Variants in SLC4A4 observed in about 807,000 individuals in gnomAD.
SLC4A4 encodes electrogenic sodium bicarbonate cotransporter 1.
Under a neutral mutation model 111.5 loss-of-function variants are expected in SLC4A4, and 27 were observed. That is an observed-to-expected ratio of 0.24 (90% confidence interval 0.18 to 0.33). The LOEUF (loss-of-function observed/expected upper bound fraction) is 0.33, where lower values mean the gene tolerates loss of function less well. Ranked by LOEUF, SLC4A4 falls within the 10% of genes least tolerant of loss-of-function variation. The pLI is 1.00. For synonymous variants in SLC4A4, 443 were observed against 463.4 expected (o/e 0.96, Z 0.57); for missense variants, 909 against 1,315.5 (o/e 0.69, Z 4.78).
rs1327615918 is a variant in SLC4A4, at chr4:71,466,587, T to C, written c.1631+10T>C. The C allele has an allele frequency of 6.2e-7, 1 of 1,612,328 alleles. No homozygotes were observed. Among genetic ancestry groups the C allele is most frequent in the African/African-American group, 1.3e-5 (1 of 74,882 alleles). On this transcript the variant is annotated intron_variant, in intron 13 of 25. Coordinates refer to ENST00000264485, the MANE Select transcript of SLC4A4 (RefSeq NM_001098484.3). ...TATTTAATTTCAGCAAGTATGTACA[T>C]ACATATTTAATTGCAAATTAGAATT...
At chr4:71,442,199 G>A (rs570313481) in intron 8 of SLC4A4, among the ~76,000 whole-genome samples, 2 of 152,146 alleles carry the variant, frequency 1.3e-5, no homozygotes, top group African/African-American at 2.4e-5. Context: ...AACAAAATAC[G>A]CATTCATTGA....
At chr4:71,327,567 A>C (rs1727602140) in intron 3 of SLC4A4, among the ~76,000 whole-genome samples, 1 of 152,074 alleles carries the variant, frequency 6.6e-6, no homozygotes, top group Non-Finnish European at 1.5e-5. Flanking sequence ...ATGATATAAC[A>C]AATGCAAAAC....
intron 2 of SLC4A4, among the ~76,000 whole-genome samples, chr4:71,117,536 C>T (rs951833794): frequency 2.0e-5 from 3 of 152,140 alleles, no homozygotes; most frequent in African/African-American, 7.2e-5. Flanking sequence ...CCTAGTGAAA[C>T]ATGTGGCTGA....
chr4:71,505,395 G>T lies in SLC4A4; in HGVS notation c.2166+7703G>T, dbSNP rs1047785119. Among the ~76,000 whole-genome samples, 30 of 151,592 alleles carry T rather than the reference G, an allele frequency of 2.0e-4. 1 individual carries two copies. Among genetic ancestry groups the T allele is most frequent in the Middle Eastern group, 3.2e-3 (1 of 314 alleles). ...CCTTTTAATAATAGCCATTCTGACT[G>T]GTGTGAGAGAGGATCTCATTGCAGT... is the stretch of plus-strand genomic sequence containing the variant. On this transcript the variant is annotated intron_variant, in intron 16 of 25. Transcript: ENST00000264485.
chr4:71,278,823 G>T (rs1402208495), intron 3 of SLC4A4, among the ~76,000 whole-genome samples: 2 of 152,042 alleles, frequency 1.3e-5, no homozygotes, highest in Non-Finnish European at 2.9e-5. Flanking sequence ...TACTATTTTT[G>T]CTGTTGAGTT....
At position 71,560,022 on chromosome 4, in the gene SLC4A4, G is replaced by C; in HGVS notation, c.2938-71G>C. On this transcript the variant is annotated intron_variant, in intron 22 of 25. Transcript: ENST00000264485. ...AGTAGGTTTCTGTGGTCTTTGATAG[G>C]AGAGTATCTATGCTTGCTGTGACTT... 9 of 1,180,028 alleles carry C rather than the reference G, an allele frequency of 7.6e-6. No homozygotes were observed. The South Asian group carries it at 1.1e-4, about 14-fold the overall frequency. The allele number at this position is 1,180,028 out of a possible 1,614,324, so 73.1% of individuals were successfully genotyped here.
At chr4:71,224,717 G>C (rs1718949236) in intron 1 of SLC4A4, among the ~76,000 whole-genome samples, 1 of 152,220 alleles carries the variant, frequency 6.6e-6, no homozygotes, top group Non-Finnish European at 1.5e-5. Context: ...AGTGGGGAAA[G>C]AGGTAAGTGA....
intron 2 of SLC4A4, among the ~76,000 whole-genome samples, chr4:71,165,318 G>C (rs574454114): frequency 2.0e-5 from 3 of 152,180 alleles, no homozygotes; most frequent in Non-Finnish European, 4.4e-5. Flanking sequence ...GCCCATCAAT[G>C]ATGGTCTGGA....
chr4:71,288,242 C>T (rs190333375), intron 3 of SLC4A4, among the ~76,000 whole-genome samples: 1 of 152,004 alleles, frequency 6.6e-6, no homozygotes, highest in South Asian at 2.1e-4. Flanking sequence ...CCATGAGTGA[C>T]GGATCTGGGA....
At chr4:71,531,952 G>A in intron 16 of SLC4A4, 110 bp from the exon 17 acceptor site, 1 of 714,444 alleles carries the variant, frequency 1.4e-6, no homozygotes, top group Non-Finnish European at 2.5e-6. Flanking sequence ...TGTTGATGAA[G>A]CTGTTGCTAT....
intron 1 of SLC4A4, among the ~76,000 whole-genome samples, chr4:71,202,468 A>C (rs1215048303): frequency 6.6e-6 from 1 of 152,164 alleles, no homozygotes; most frequent in African/African-American, 2.4e-5. Context: ...ATCTAATTGC[A>C]CCGTTAACAT....
chr4:71,512,903 G>GT (rs1199853628), intron 16 of SLC4A4, among the ~76,000 whole-genome samples: 1 of 152,130 alleles, frequency 6.6e-6, no homozygotes, highest in Non-Finnish European at 1.5e-5. Flanking sequence ...TTTACCCAAT[G>GT]TAAGTTCTTG....
In SLC4A4 at chr4:71,080,267, A is replaced by G. The variant is rs989894624; in HGVS notation, c.-64-12463A>G. Reference sequence around the variant, plus strand: ...GGTAGAGACTACCCACGAGTGTCCCATATGCCCTCTCCTGGAGTCAGGGCT... The same window carrying G: ...GGTAGAGACTACCCACGAGTGTCCCGTATGCCCTCTCCTGGAGTCAGGGCT... On this transcript the variant is annotated intron_variant, in intron 1 of 26. Transcript: ENST00000649996. Among the ~76,000 whole-genome samples the G allele has an allele frequency of 2.6e-5, 4 of 152,148 alleles. No individual in the cohort carries two copies. In the South Asian group the frequency reaches 8.3e-4, roughly 32 times the overall value.
intron 15 of SLC4A4, among the ~76,000 whole-genome samples, chr4:71,496,750 TG>T (rs1560561752): frequency 6.6e-6 from 1 of 152,074 alleles, no homozygotes; most frequent in Non-Finnish European, 1.5e-5. Flanking sequence ...AGCACAGCAC[TG>T]ACCCCACAAC....
chr4:71,138,860 C>T (rs1299530003), intron 2 of SLC4A4, among the ~76,000 whole-genome samples: 1 of 151,840 alleles, frequency 6.6e-6, no homozygotes, highest in Admixed American at 6.6e-5. Flanking sequence ...CACGGTGAAA[C>T]CCTGTCTCTA....
At chr4:71,442,760 A>G (rs1396410753) in intron 8 of SLC4A4, among the ~76,000 whole-genome samples, 2 of 152,110 alleles carry the variant, frequency 1.3e-5, no homozygotes, top group Non-Finnish European at 2.9e-5. Context: ...TATTATGATT[A>G]TTTCTGTTTC....
intron 1 of SLC4A4, among the ~76,000 whole-genome samples, chr4:71,221,880 C>T (rs1359417338): frequency 2.6e-5 from 4 of 152,132 alleles, no homozygotes; most frequent in Non-Finnish European, 5.9e-5. Flanking sequence ...TTTGGATCTG[C>T]AGAGGATTGG....
chr4:71,253,987 C>T (rs1721262617), intron 2 of SLC4A4, among the ~76,000 whole-genome samples: 1 of 152,152 alleles, frequency 6.6e-6, no homozygotes, highest in African/African-American at 2.4e-5. Context: ...GGAAACACCC[C>T]TGCCAATTAT....
chr4:71,546,758 C>G (rs1735564615), intron 19 of SLC4A4, among the ~76,000 whole-genome samples: 1 of 151,820 alleles, frequency 6.6e-6, no homozygotes, highest in Admixed American at 6.6e-5. Context: ...CTAAATGTTG[C>G]AATATAAAAC....
Sources: allele counts gnomAD v4.1 joint callset (sites outside exome capture counted in the v4.1 genomes callset), GRCh38; gene constraint gnomAD v4.1.1; transcripts MANE v1.5; gene names NCBI Gene and HGNC (gene_info 2026-07-23, HGNC 2026-07-21).